Variants in TLE1 observed in about 807,000 individuals in gnomAD.
The protein encoded by TLE1 is TLE family member 1, transcriptional corepressor.
TLE1 carries 21 observed loss-of-function variants against 89.8 expected under a neutral mutation model. That is an observed-to-expected ratio of 0.23 (90% CI 0.17 to 0.34). The LOEUF (loss-of-function observed/expected upper bound fraction) is 0.34, where lower values mean the gene tolerates loss of function less well. Among genes scored for constraint, TLE1 ranks in the 10% least tolerant of loss-of-function variants. The pLI is 1.00. For synonymous variants in TLE1, 447 were observed against 407.6 expected (o/e 1.10, Z -1.16); for missense variants, 795 against 1,031.2 (o/e 0.77, Z 3.14).
intron 4 of TLE1, among the ~76,000 whole-genome samples, chr9:81,672,322 A>AATTATTATTATTATT (rs534539630): frequency 1.5e-3 from 225 of 150,422 alleles, no homozygotes; most frequent in African/African-American, 5.3e-3. Flanking sequence ...CCCTGCAATA[A>AATTATTATTATTATT]ATTATTATTA....
chr9:81,627,318 CTTTTTT>C (rs56255759), intron 8 of TLE1, among the ~76,000 whole-genome samples: 287 of 147,716 alleles, frequency 1.9e-3, no homozygotes, highest in African/African-American at 6.7e-3. Context: ...TGTTCTCTCA[CTTTTTT>C]TTTTTTAAGA....
intron 6 of TLE1, among the ~76,000 whole-genome samples, chr9:81,643,478 C>T (rs1244126056): frequency 1.3e-5 from 2 of 152,078 alleles, no homozygotes; most frequent in African/African-American, 2.4e-5. Flanking sequence ...TCAGGTGATC[C>T]GCCCACCTCA....
In TLE1 at chr9:81,685,823, T is replaced by G. The variant is rs1193716726; in HGVS notation, c.189+10A>C. On this transcript the variant is annotated intron_variant, in intron 3 of 19. Transcript: ENST00000376499. ...ATGAAAAAGGAAAAAGTCCAATCTT[T>G]GATACCTACCATCACATAGTGCCTC... The G allele has an allele frequency of 6.2e-7, 1 of 1,614,116 alleles. No homozygotes were observed. The highest frequency in any genetic ancestry group is 1.3e-5 in the African/African-American group (1 of 75,064).
chr9:81,640,711 T>C (rs918119615), intron 6 of TLE1, among the ~76,000 whole-genome samples: 1 of 152,216 alleles, frequency 6.6e-6, no homozygotes, highest in Non-Finnish European at 1.5e-5. Context: ...GGGTCAATTA[T>C]ATTACTATAA....
intron 14 of TLE1, among the ~76,000 whole-genome samples, chr9:81,596,476 T>C (rs1250278293): frequency 2.0e-5 from 3 of 151,864 alleles, no homozygotes; most frequent in Non-Finnish European, 2.9e-5. Context: ...TCACCTACAA[T>C]AATAACAGAG....
Position 81,610,170 on chromosome 9 carries a change from T to C in TLE1, c.1331+50A>G, listed in dbSNP as rs1331580865. ...TGGAATTCTAGTCTGCTAATACCAATGACTGAGTAACCACCTTTAAAACAA... is the reference window on the plus strand; with the variant it reads ...TGGAATTCTAGTCTGCTAATACCAACGACTGAGTAACCACCTTTAAAACAA... On this transcript the variant is annotated intron_variant, in intron 14 of 19. Coordinates refer to ENST00000376499, the MANE Select transcript of TLE1 (RefSeq NM_005077.5). 2.0e-6 allele frequency: 3 copies of C among 1,517,154 alleles called. No individual in the cohort carries two copies. In the East Asian group the frequency reaches 6.8e-5, roughly 34 times the overall value. The allele number at this position is 1,517,154 out of a possible 1,614,324, so 94.0% of individuals were successfully genotyped here.
intron 4 of TLE1, among the ~76,000 whole-genome samples, chr9:81,673,701 C>T (rs34739928): frequency 0.25 from 37,701 of 151,686 alleles, 4,883 homozygotes; most frequent in African/African-American, 0.31. Flanking sequence ...GGAAGGTTGA[C>T]ACGGGGAGGG....
At chr9:81,664,785 C>T (rs894869137) in intron 4 of TLE1, among the ~76,000 whole-genome samples, 6 of 152,058 alleles carry the variant, frequency 3.9e-5, no homozygotes, top group Non-Finnish European at 7.4e-5. Context: ...TCTCAAACTC[C>T]AGCGTACACG....
chr9:81,688,691 C>T lies in TLE1; in HGVS notation c.-451G>A, dbSNP rs2133224134. On this transcript the variant is annotated 5_prime_UTR_variant, in exon 1 of 20. Transcript: ENST00000376499. ...TCTTTGCTCTTCTCCTGGTCCGCCT[C>T]CTCTTCGGGCTTTCCCCGAGGCGGC... The T allele has an allele frequency of 6.3e-6, 1 of 159,158 alleles. No individual in the cohort carries two copies. Among genetic ancestry groups the T allele is most frequent in the East Asian group, 1.8e-4 (1 of 5,486 alleles). The allele number at this position is 159,158 out of a possible 1,614,324, so 9.9% of individuals were successfully genotyped here.
chr9:81,625,531 G>T (rs940404674), intron 8 of TLE1, among the ~76,000 whole-genome samples: 1 of 152,054 alleles, frequency 6.6e-6, no homozygotes, highest in Non-Finnish European at 1.5e-5. Context: ...TCCTGGATGC[G>T]AGAGGCCAAT....
At chr9:81,585,751 G>C in intron 17 of TLE1, 96 bp from the exon 18 acceptor site, 20 of 1,469,770 alleles carry the variant, frequency 1.4e-5, no homozygotes, top group Non-Finnish European at 1.8e-5. Context: ...AAGAATGGGG[G>C]GAAGTAATCA....
In TLE1 at chr9:81,585,577, C is replaced by T. The variant is rs759224180; in HGVS notation, c.2056G>A (p.Val686Met). Reference protein sequence around the residue: ...MESSNVEVLHVNKPDKYQLHL... With the variant: ...MESSNVEVLHMNKPDKYQLHL... ...AGCTGGTACTTGTCAGGCTTGTTCA[C>T]GTGCAGCACCTCCACATTGCTGCTC... The change falls in exon 18 of 20, where the codon GTG becomes ATG. Residue 686 changes from valine (V) to methionine (M), a missense_variant. Val to Met is a conservative substitution (Grantham distance 21). This residue lies in a region of TLE1 where 214 missense variants were observed against 354.9 expected (regional missense o/e 0.60). Coordinates refer to ENST00000376499, the MANE Select transcript of TLE1 (RefSeq NM_005077.5). The T allele has an allele frequency of 7.4e-6, 12 of 1,614,042 alleles. No individual in the cohort carries two copies. The highest frequency in any genetic ancestry group is 5.0e-5 in the Admixed American group (3 of 59,996).
chr9:81,672,119 A>G (rs1304844327), intron 4 of TLE1, among the ~76,000 whole-genome samples: 3 of 152,162 alleles, frequency 2.0e-5, no homozygotes, highest in Admixed American at 1.3e-4. Context: ...TTCTCAGCAC[A>G]CCCAGATCAG....
intron 16 of TLE1, among the ~76,000 whole-genome samples, chr9:81,588,903 T>C (rs546132994): frequency 2.0e-5 from 3 of 152,300 alleles, no homozygotes; most frequent in African/African-American, 7.2e-5. Flanking sequence ...TCCAAACTTT[T>C]AACCTGAGCT....
intron 17 of TLE1, among the ~76,000 whole-genome samples, chr9:81,587,446 A>G (rs1287805490): frequency 2.0e-5 from 3 of 152,258 alleles, no homozygotes; most frequent in Non-Finnish European, 4.4e-5. Flanking sequence ...AATATAACAG[A>G]GAACACACCT....
chr9:81,681,499 G>A (rs926274890), intron 4 of TLE1, among the ~76,000 whole-genome samples: 4 of 151,550 alleles, frequency 2.6e-5, no homozygotes, highest in East Asian at 3.9e-4. Flanking sequence ...GCAGTGAGCC[G>A]AGACTGTGCC....
At chr9:81,634,377 G>A (rs575535575) in intron 6 of TLE1, 76 bp from the exon 7 acceptor site, 7 of 1,224,548 alleles carry the variant, frequency 5.7e-6, no homozygotes, top group Admixed American at 2.9e-5. Flanking sequence ...GATGGAGGCG[G>A]CATCCAGGGG....
chr9:81,595,173 A>G (rs1830021238), intron 14 of TLE1, among the ~76,000 whole-genome samples: 1 of 152,108 alleles, frequency 6.6e-6, no homozygotes, highest in South Asian at 2.1e-4. Flanking sequence ...AAACCACTCA[A>G]TCTCATTTTT....
intron 4 of TLE1, among the ~76,000 whole-genome samples, chr9:81,657,196 G>C (rs1830244108): frequency 1.3e-5 from 2 of 152,060 alleles, no homozygotes; most frequent in African/African-American, 4.8e-5. Context: ...GTGCTTCCTT[G>C]AATGGGACAA....
Sources: allele counts gnomAD v4.1 joint callset (sites outside exome capture counted in the v4.1 genomes callset), GRCh38; gene constraint gnomAD v4.1.1; regional missense constraint gnomAD v4.1.1; transcripts MANE v1.5; gene names NCBI Gene and HGNC (gene_info 2026-07-23, HGNC 2026-07-21).